DOCK2: variants seen among roughly 807,000 people sequenced by gnomAD.
The protein encoded by DOCK2 is dedicator of cytokinesis protein 2.
In DOCK2, 87 loss-of-function variants were observed where a neutral mutation model predicts 248.9. The observed-to-expected ratio is 0.35, with a 90% CI of 0.29 to 0.42. The LOEUF (loss-of-function observed/expected upper bound fraction) is 0.42, where lower values mean the gene tolerates loss of function less well. Among genes scored for constraint, DOCK2 ranks in the 10% least tolerant of loss-of-function variants. The probability of loss-of-function intolerance (pLI) is 1.00; values close to 1 mark genes in which losing one functional copy is unlikely to be tolerated. For missense variants in DOCK2, 1,747 were observed against 2,300.2 expected, an observed-to-expected ratio of 0.76 and a Z score of 4.92; for synonymous variants, 805 against 821.6, an observed-to-expected ratio of 0.98 and a Z score of 0.35.
At chr5:169,786,352 A>G (rs1765978999) in intron 25 of DOCK2, among the ~76,000 whole-genome samples, 1 of 152,140 alleles carries the variant, frequency 6.6e-6, no homozygotes, top group South Asian at 2.1e-4. Context: ...TGTGCCTTGT[A>G]GCTCTTAATC....
chr5:169,925,185 G>A (rs990470554), intron 27 of DOCK2, among the ~76,000 whole-genome samples: 13 of 152,268 alleles, frequency 8.5e-5, no homozygotes, highest in African/African-American at 3.1e-4. Context: ...TCTGTAGTAG[G>A]GAGCTGAGGA....
At chr5:169,964,605 A>AG (rs1777226080) in intron 27 of DOCK2, among the ~76,000 whole-genome samples, 1 of 152,208 alleles carries the variant, frequency 6.6e-6, no homozygotes, top group African/African-American at 2.4e-5. Context: ...CCACCCTTGA[A>AG]GGGGCCATGG....
chr5:170,021,346 C>T (rs1433610484), intron 33 of DOCK2, among the ~76,000 whole-genome samples: 1 of 152,224 alleles, frequency 6.6e-6, no homozygotes, highest in Non-Finnish European at 1.5e-5. Context: ...TTTACTTACC[C>T]TCAGACCCAC....
At chr5:170,043,728 G>C (rs1018386461) in intron 38 of DOCK2, among the ~76,000 whole-genome samples, 2 of 152,236 alleles carry the variant, frequency 1.3e-5, no homozygotes, top group African/African-American at 4.8e-5. Flanking sequence ...CCTGCTGGGT[G>C]TCAAGTCAGA....
At chr5:169,974,377 C>T (rs1382864479) in intron 27 of DOCK2, among the ~76,000 whole-genome samples, 1 of 152,202 alleles carries the variant, frequency 6.6e-6, no homozygotes, top group Non-Finnish European at 1.5e-5. Flanking sequence ...TCTCTTTCTT[C>T]TGGTTTTTTC....
chr5:169,753,616 C>A (rs1257642075), intron 23 of DOCK2, among the ~76,000 whole-genome samples: 1 of 152,162 alleles, frequency 6.6e-6, no homozygotes, highest in Non-Finnish European at 1.5e-5. Flanking sequence ...TTCTTAATCA[C>A]CACCAAACAA....
In DOCK2 at chr5:170,082,811, G is replaced by A; in HGVS notation, c.5446G>A (p.Ala1816Thr). 6.2e-7 allele frequency: 1 copy of A among 1,614,162 alleles called. No homozygotes were observed. Among genetic ancestry groups the A allele is most frequent in the Non-Finnish European group, 8.5e-7 (1 of 1,180,030 alleles). Residue 1816 changes from alanine (A) to threonine (T), a missense_variant, in exon 52 of 52, where the codon GCT becomes ACT. Coordinates refer to ENST00000520908, the MANE Select transcript of DOCK2 (RefSeq NM_004946.3). ...FFKTMLASKS[A>T]EEGKQIPDSL... Reference sequence around the variant, plus strand: ...CTCTCAAAAGCTGGCCAGCAAATCGGCTGAAGAAGGCAAACAGATCCCAGA... The same window carrying A: ...CTCTCAAAAGCTGGCCAGCAAATCGACTGAAGAAGGCAAACAGATCCCAGA...
intron 23 of DOCK2, among the ~76,000 whole-genome samples, chr5:169,756,802 G>C (rs931334202): frequency 6.6e-6 from 1 of 152,046 alleles, no homozygotes; most frequent in Non-Finnish European, 1.5e-5. Context: ...GCACACGCCT[G>C]TAATCCCAGC....
chr5:169,991,768 A>C (rs752137346), intron 29 of DOCK2, among the ~76,000 whole-genome samples: 1 of 152,232 alleles, frequency 6.6e-6, no homozygotes, highest in Non-Finnish European at 1.5e-5. Context: ...AACTGAAAAC[A>C]CTTTAGAGAA....
At chr5:169,788,800 TGGG>T (rs1766145405) in intron 25 of DOCK2, among the ~76,000 whole-genome samples, 1 of 152,206 alleles carries the variant, frequency 6.6e-6, no homozygotes, top group African/African-American at 2.4e-5. Flanking sequence ...AGATTCATGT[TGGG>T]GGCACTGAGC....
chr5:169,960,932 A>G (rs546263790), intron 27 of DOCK2, among the ~76,000 whole-genome samples: 1 of 152,344 alleles, frequency 6.6e-6, no homozygotes, highest in Non-Finnish European at 1.5e-5. Context: ...AGGGTTCAGT[A>G]TAGGCTATGA....
intron 23 of DOCK2, among the ~76,000 whole-genome samples, chr5:169,750,008 G>C (rs1763813775): frequency 1.3e-5 from 2 of 152,162 alleles, no homozygotes; most frequent in African/African-American, 4.8e-5. Flanking sequence ...GAGAGCCAAG[G>C]ATGACCAATT....
At chr5:169,713,527 T>C (rs1452142632) in intron 17 of DOCK2, among the ~76,000 whole-genome samples, 2 of 152,192 alleles carry the variant, frequency 1.3e-5, no homozygotes, top group African/African-American at 2.4e-5. Flanking sequence ...GTAGGGATGA[T>C]GATTGTCTTC....
intron 2 of DOCK2, among the ~76,000 whole-genome samples, chr5:169,655,169 G>A (rs757398064): frequency 6.6e-6 from 1 of 152,234 alleles, no homozygotes; most frequent in Non-Finnish European, 1.5e-5. Flanking sequence ...GCTTGGGCAT[G>A]AGAACCAAAT....
At chr5:169,827,164 G>T (rs994717492) in intron 26 of DOCK2, among the ~76,000 whole-genome samples, 29 of 152,252 alleles carry the variant, frequency 1.9e-4, no homozygotes, top group African/African-American at 6.0e-4. Flanking sequence ...TCCCCCGCTT[G>T]TTTTAAAAAT....
chr5:170,015,627 G>T (rs1321770229), intron 32 of DOCK2, among the ~76,000 whole-genome samples: 1 of 152,088 alleles, frequency 6.6e-6, no homozygotes, highest in Non-Finnish European at 1.5e-5. Context: ...TCCCCCGGAG[G>T]CTTGCTGGAC....
chr5:169,742,874 TG>T (rs1325780469), intron 22 of DOCK2, among the ~76,000 whole-genome samples: 1 of 152,230 alleles, frequency 6.6e-6, no homozygotes, highest in Non-Finnish European at 1.5e-5. Context: ...GTGCTGGCTG[TG>T]GTCGACTTGC....
intron 27 of DOCK2, among the ~76,000 whole-genome samples, chr5:169,882,044 G>T (rs1271240101): frequency 6.6e-6 from 1 of 152,130 alleles, no homozygotes; most frequent in African/African-American, 2.4e-5. Context: ...TCTCATTTCA[G>T]TTCCAATTAG....
chr5:169,981,749 C>G (rs1777943104), intron 27 of DOCK2, among the ~76,000 whole-genome samples: 1 of 152,158 alleles, frequency 6.6e-6, no homozygotes, highest in African/African-American at 2.4e-5. Flanking sequence ...TTACTGAAGG[C>G]TCAGATGATC....
Sources: allele counts gnomAD v4.1 joint callset (sites outside exome capture counted in the v4.1 genomes callset), GRCh38; gene constraint gnomAD v4.1.1; transcripts MANE v1.5; gene names NCBI Gene and HGNC (gene_info 2026-07-23, HGNC 2026-07-21).